RBM39: variants seen among roughly 807,000 people sequenced by gnomAD.
The protein encoded by RBM39 is RNA-binding protein 39.
RBM39 carries 12 observed loss-of-function variants against 79.6 expected under a neutral mutation model. The ratio of observed to expected loss-of-function variants is 0.15; its 90% CI spans 0.10 to 0.24. The LOEUF (loss-of-function observed/expected upper bound fraction) is 0.24, where lower values mean the gene tolerates loss of function less well. RBM39 is among the 10% of genes least tolerant of loss of function. The pLI, the probability that RBM39 is intolerant of heterozygous loss-of-function variation, is 1.00. For synonymous variants in RBM39, 185 were observed against 208.4 expected (o/e 0.89, Z 0.97); for missense variants, 243 against 653.4 (o/e 0.37, Z 6.85).
intron 4 of RBM39, among the ~76,000 whole-genome samples, chr20:35,729,998 T>C (rs1357806224): frequency 1.3e-5 from 2 of 152,232 alleles, no homozygotes; most frequent in Admixed American, 1.3e-4. Flanking sequence ...AATTTTCATA[T>C]ACATCTTCTT....
Position 35,704,836 on chromosome 20 carries a change from G to C in RBM39, c.1414-90C>G, listed in dbSNP as rs917271864. On this transcript the variant is annotated intron_variant, in intron 15 of 16. Transcript: ENST00000253363. The stretch of plus-strand genomic sequence containing the variant: ...TATTCAAGTTGCCTGTAGAAACTTA[G>C]TGCTCTATAACCACAAACTGGTTTA... 7.3e-6 allele frequency: 8 copies of C among 1,095,628 alleles called. No homozygotes were observed. The Admixed American group carries it at 1.4e-4, about 19-fold the overall frequency. The allele number at this position is 1,095,628 out of a possible 1,614,324, so 67.9% of individuals were successfully genotyped here.
chr20:35,705,366 G>A, intron 14 of RBM39, 36 bp from the exon 15 acceptor site: 2 of 1,096,778 alleles, frequency 1.8e-6, no homozygotes, highest in South Asian at 1.4e-5. Context: ...AAATACTATT[G>A]AAACTAACAA....
At chr20:35,719,657 CAAGGAGTGA>C (rs2037650346) in intron 9 of RBM39, among the ~76,000 whole-genome samples, 1 of 151,968 alleles carries the variant, frequency 6.6e-6, no homozygotes, top group South Asian at 2.1e-4. Context: ...AGCCTAGGCG[CAAGGAGTGA>C]AACTCCCATC....
In RBM39 at chr20:35,709,199, A is replaced by T. The variant is rs2036116981; in HGVS notation, c.1225+25T>A. The T allele has an allele frequency of 2.6e-6, 4 of 1,565,704 alleles. No individual in the cohort carries two copies. The Admixed American group carries it at 5.6e-5, about 22-fold the overall frequency. On this transcript the variant is annotated intron_variant, in intron 13 of 16. Coordinates refer to ENST00000253363, the MANE Select transcript of RBM39 (RefSeq NM_184234.3). ...TTAATTCTATTTCAAAGACAAAAAT[A>T]AAAAATATGAACACTTCAACTCACC...
intron 2 of RBM39, chr20:35,739,641 T>C: frequency 2.3e-6 from 1 of 427,946 alleles, no homozygotes; most frequent in Non-Finnish European, 5.0e-6. Context: ...AGCCTAAACA[T>C]TTCCTACTTC....
At chr20:35,737,340 A>G (rs950192250) in intron 3 of RBM39, among the ~76,000 whole-genome samples, 1 of 150,416 alleles carries the variant, frequency 6.6e-6, no homozygotes, top group Non-Finnish European at 1.5e-5. Flanking sequence ...CAGTGAGCCA[A>G]GACTGCGCCA....
intron 3 of RBM39, among the ~76,000 whole-genome samples, chr20:35,736,286 A>C (rs973783995): frequency 6.6e-6 from 1 of 152,242 alleles, no homozygotes; most frequent in Admixed American, 6.5e-5. Flanking sequence ...CATCAAGACT[A>C]AACCCAACCT....
At chr20:35,709,118 T>C (rs2036107153) in intron 13 of RBM39, 106 bp downstream of exon 13, 2 of 1,036,452 alleles carry the variant, frequency 1.9e-6, no homozygotes, top group Admixed American at 2.5e-5. Flanking sequence ...CAAAATTTGG[T>C]CCAAATTACT....
At chr20:35,726,457 G>A (rs6088926) in intron 6 of RBM39, among the ~76,000 whole-genome samples, 1 of 152,156 alleles carries the variant, frequency 6.6e-6, no homozygotes, top group South Asian at 2.1e-4. Context: ...TCTAAAACAA[G>A]GGTCAACCAG....
chr20:35,734,676 T>C (rs2146710903), intron 3 of RBM39: 1 of 531,058 alleles, frequency 1.9e-6, no homozygotes, highest in Non-Finnish European at 2.9e-6. Context: ...CTAGGACTTT[T>C]TGTAAACAAG....
chr20:35,726,565 C>T (rs916580985), intron 6 of RBM39, among the ~76,000 whole-genome samples: 4 of 152,180 alleles, frequency 2.6e-5, no homozygotes, highest in African/African-American at 9.7e-5. Context: ...TTCTTTACAA[C>T]AAAACCATGT....
intron 12 of RBM39, among the ~76,000 whole-genome samples, chr20:35,710,108 C>G (rs1429914074): frequency 6.6e-6 from 1 of 152,126 alleles, no homozygotes; most frequent in Admixed American, 6.6e-5. Flanking sequence ...TGCTATAATG[C>G]TCTCTTGAAG....
At chr20:35,716,325 C>T (rs2037126751) in intron 10 of RBM39, among the ~76,000 whole-genome samples, 1 of 152,190 alleles carries the variant, frequency 6.6e-6, no homozygotes, top group African/African-American at 2.4e-5. Context: ...CCACCCGCCT[C>T]GGCCTCCCAA....
rs150441782 is a variant in RBM39 at position 35,702,367 on chromosome 20, C to A, written c.*2114G>T. On this transcript the variant is annotated 3_prime_UTR_variant, in exon 17 of 17. Transcript: ENST00000253363. ...AGAATGAGCTGTTTTCTATGCACGA[C>A]ACTATTCAAGTTACTACACTCCAAC... 6.6e-6 allele frequency: 1 copy of A among 152,318 alleles called. No homozygotes were observed. Among genetic ancestry groups the A allele is most frequent in the East Asian group, 1.9e-4 (1 of 5,186 alleles). The allele number at this position is 152,318 out of a possible 1,614,324, so 9.4% of individuals were successfully genotyped here.
At chr20:35,737,896 G>A (rs2040130319) in intron 3 of RBM39, among the ~76,000 whole-genome samples, 1 of 145,966 alleles carries the variant, frequency 6.9e-6, no homozygotes, top group East Asian at 2.0e-4. Context: ...GCTCACACCT[G>A]TAATCCCAAC....
At chr20:35,712,683 A>T (rs2036587400) in intron 12 of RBM39, among the ~76,000 whole-genome samples, 1 of 152,080 alleles carries the variant, frequency 6.6e-6, no homozygotes, top group South Asian at 2.1e-4. Flanking sequence ...AGTGCCTCTG[A>T]TATTTTCTAA....
Position 35,703,608 on chromosome 20 carries a change from G to A in RBM39, c.*873C>T, listed in dbSNP as rs1381801189. 1 of 152,616 alleles carries A rather than the reference G, an allele frequency of 6.6e-6. No homozygotes were observed. Among genetic ancestry groups the A allele is most frequent in the East Asian group, 1.9e-4 (1 of 5,204 alleles). 9.5% of individuals were successfully genotyped at this position (152,616 alleles called of 1,614,324 possible). ...AACATTTGAAAAATGAAGATCTCCT[G>A]TGGCCTTTTTAAGAGACTTTTATTT... On this transcript the variant is annotated 3_prime_UTR_variant, in exon 17 of 17. Transcript: ENST00000253363.
chr20:35,709,687 T>C (rs2036157345), intron 12 of RBM39, among the ~76,000 whole-genome samples: 1 of 152,194 alleles, frequency 6.6e-6, no homozygotes, highest in South Asian at 2.1e-4. Context: ...TTTAAAAGGA[T>C]ATTATAAAAT....
At chr20:35,732,402 A>G in intron 3 of RBM39, 1 of 434,234 alleles carries the variant, frequency 2.3e-6, no homozygotes, top group Admixed American at 3.8e-5. Context: ...ATAAAAATAC[A>G]AAAATTAGCC....
Sources: allele counts gnomAD v4.1 joint callset (sites outside exome capture counted in the v4.1 genomes callset), GRCh38; gene constraint gnomAD v4.1.1; transcripts MANE v1.5; gene names NCBI Gene and HGNC (gene_info 2026-07-23, HGNC 2026-07-21).